SI: variants seen among roughly 807,000 people sequenced by gnomAD.
SI encodes sucrase-isomaltase, intestinal.
A neutral mutation model predicts 253.3 loss-of-function variants in SI; 235 were observed. The observed-to-expected ratio is 0.93, with a 90% CI of 0.83 to 1.03. SI has a LOEUF of 1.03. Among genes scored for constraint, SI ranks in the 50% least tolerant of loss-of-function variants. SI has a pLI of 0.00. For missense variants in SI, 2,442 were observed against 2,211.1 expected (o/e 1.10, Z -2.09); for synonymous variants, 819 against 712.0 (o/e 1.15, Z -2.39).
At chr3:165,077,070 TC>T (rs1263996620) in intron 1 of SI, among the ~76,000 whole-genome samples, 2 of 151,380 alleles carry the variant, frequency 1.3e-5, no homozygotes, top group Admixed American at 6.6e-5. Context: ...CACCTTTTTT[TC>T]CTTCTTCCAT....
chr3:165,052,191 T>C (rs1713467070), intron 13 of SI, among the ~76,000 whole-genome samples: 1 of 152,280 alleles, frequency 6.6e-6, no homozygotes, highest in South Asian at 2.1e-4. Context: ...TTGAAAATTA[T>C]AAAAGCATTT....
At chr3:165,021,530 C>A in intron 26 of SI, 147 bp from the exon 27 acceptor site, 1 of 684,100 alleles carries the variant, frequency 1.5e-6, no homozygotes, top group South Asian at 1.8e-5. Context: ...GTCCATATAA[C>A]CATATCAATA....
intron 13 of SI, among the ~76,000 whole-genome samples, chr3:165,052,328 A>T (rs1384866681): frequency 6.6e-6 from 1 of 152,182 alleles, no homozygotes; most frequent in Non-Finnish European, 1.5e-5. Context: ...CATGAGGCAA[A>T]AGCCTCAGTG....
At chr3:165,040,400 C>T (rs976986425) in intron 18 of SI, among the ~76,000 whole-genome samples, 8 of 151,946 alleles carry the variant, frequency 5.3e-5, no homozygotes, top group Admixed American at 4.6e-4. Flanking sequence ...AAAAATTCTT[C>T]TGTTAAATTA....
chr3:165,021,735 A>G (rs1357490865), intron 26 of SI, among the ~76,000 whole-genome samples: 1 of 151,592 alleles, frequency 6.6e-6, no homozygotes, highest in African/African-American at 2.4e-5. Context: ...ATTTTTTGTC[A>G]TACATATTAT....
At chr3:164,994,893 A>T (rs1717939623) in intron 40 of SI, among the ~76,000 whole-genome samples, 1 of 151,780 alleles carries the variant, frequency 6.6e-6, no homozygotes, top group South Asian at 2.1e-4. Flanking sequence ...AAGGGAAGGC[A>T]TAAAGATGAA....
In SI at chr3:165,018,076, G is replaced by T; in HGVS notation, c.3424-10C>A. ...AGGAATTAAGTTTGTACTGAAATAC[G>T]AAAAATAAGCACAATATATTTTAAG... On this transcript the variant is annotated splice_polypyrimidine_tract_variant and intron_variant, in intron 28 of 47. Coordinates refer to ENST00000264382, the MANE Select transcript of SI (RefSeq NM_001041.4). 6.9e-7 allele frequency: 1 copy of T among 1,442,744 alleles called. No homozygotes were observed. Among genetic ancestry groups the T allele is most frequent in the Non-Finnish European group, 9.8e-7 (1 of 1,024,234 alleles). The allele number at this position is 1,442,744 out of a possible 1,614,324, so 89.4% of individuals were successfully genotyped here. A position where few individuals can be genotyped will look rare whatever the true frequency, so the allele number is the denominator to read the frequency against.
At chr3:165,012,522 GGGT>G (rs1718819757) in intron 34 of SI, among the ~76,000 whole-genome samples, 1 of 152,098 alleles carries the variant, frequency 6.6e-6, no homozygotes, top group Non-Finnish European at 1.5e-5. Flanking sequence ...TCCACCTCCT[GGGT>G]TAACACCATT....
Position 164,996,518 on chromosome 3 carries a change from A to G in SI, c.4692+17T>C, listed in dbSNP as rs766839191. ...CCAAGTAAGAAAATACTGAAAGTAA[A>G]TGTAGTAATTACATACTCTAGTATT... On this transcript the variant is annotated intron_variant, in intron 40 of 47. Coordinates refer to ENST00000264382, the MANE Select transcript of SI (RefSeq NM_001041.4). The G allele has an allele frequency of 1.6e-6, 2 of 1,245,072 alleles. No individual in the cohort carries two copies. The highest frequency in any genetic ancestry group is 2.3e-5 in the East Asian group (1 of 42,986). 77.1% of individuals were successfully genotyped at this position (1,245,072 alleles called of 1,614,324 possible).
chr3:164,983,586 A>C (rs1717299693), intron 45 of SI, among the ~76,000 whole-genome samples: 1 of 152,006 alleles, frequency 6.6e-6, no homozygotes, highest in South Asian at 2.1e-4. Context: ...TATAATCATT[A>C]TTTTTTAGTT....
chr3:165,079,824 T>C (rs1264852050), upstream of SI, among the ~76,000 whole-genome samples: 3 of 151,906 alleles, frequency 2.0e-5, no homozygotes, highest in South Asian at 2.1e-4. Context: ...GATAGATAGC[T>C]AGATTATCAA....
intron 7 of SI, among the ~76,000 whole-genome samples, chr3:165,064,069 C>T (rs13093090): frequency 0.58 from 87,965 of 150,580 alleles, 26,042 homozygotes; most frequent in East Asian, 0.81. Flanking sequence ...GACTCCATCT[C>T]AAAAATAAAT....
At chr3:165,031,638 T>C (rs1712250807) in intron 24 of SI, among the ~76,000 whole-genome samples, 1 of 150,234 alleles carries the variant, frequency 6.7e-6, no homozygotes. Context: ...CCAGAGGTCT[T>C]ATGAGTTAAA....
intron 47 of SI, 88 bp from the exon 48 acceptor site, chr3:164,979,518 A>G (rs1036417493): frequency 1.3e-6 from 1 of 747,788 alleles, no homozygotes; most frequent in African/African-American, 1.8e-5. Context: ...GTTTTCTAAT[A>G]AATAGTATAT....
intron 23 of SI, 113 bp downstream of exon 23, chr3:165,033,282 C>A: frequency 1.3e-6 from 1 of 790,080 alleles, no homozygotes; most frequent in Non-Finnish European, 1.8e-6. Context: ...CATTACATTC[C>A]ATTAAAATCT....
chr3:165,037,872 G>A, intron 21 of SI, 28 bp downstream of exon 21: 1 of 1,445,916 alleles, frequency 6.9e-7, no homozygotes, highest in Admixed American at 1.8e-5. Context: ...TTTTATTTTA[G>A]ATTTCAACTA....
rs996985084 is a variant in SI, at chr3:165,059,036, G to A, written c.1325C>T (p.Ala442Val). The A allele has an allele frequency of 6.2e-7, 1 of 1,612,418 alleles. No homozygotes were observed. The highest frequency in any genetic ancestry group is 8.5e-7 in the Non-Finnish European group (1 of 1,179,104). ...IGRRANGTTY[A>V]TYERGNTQHV... is the part of the protein sequence containing the mutation. ...TTGTGTGTTTCCCCTCTCATAGGTT[G>A]CATATGTTGTTCCATTGGCACGTCG... The change falls in exon 12 of 48, where the codon GCA (alanine) becomes GTA (valine). Residue 442 changes from alanine to valine, a missense_variant. Ala to Val is a moderately conservative substitution (Grantham distance 64). Coordinates refer to ENST00000264382, the MANE Select transcript of SI (RefSeq NM_001041.4).
intron 25 of SI, among the ~76,000 whole-genome samples, chr3:165,027,912 A>G (rs1476181994): frequency 6.6e-6 from 1 of 151,326 alleles, no homozygotes; most frequent in Non-Finnish European, 1.5e-5. Flanking sequence ...CTTATTTTCA[A>G]CATAGTACTG....
chr3:165,026,129 G>T (rs1450647982), intron 25 of SI, among the ~76,000 whole-genome samples: 4 of 151,044 alleles, frequency 2.6e-5, no homozygotes, highest in African/African-American at 9.7e-5. Flanking sequence ...TCAAGATAAA[G>T]GGGTAGAAAA....
Sources: gnomAD v4.1 joint callset for allele counts (sites outside exome capture counted in the v4.1 genomes callset) on GRCh38, gnomAD v4.1.1 for gene constraint, MANE v1.5 for transcripts, NCBI Gene and HGNC (gene_info 2026-07-23, HGNC 2026-07-21) for gene names.